The following HMG20A variants were observed in gnomAD, a reference collection of about 807,000 sequenced individuals.
The protein encoded by HMG20A is high mobility group protein 20A.
HMG20A carries 17 observed loss-of-function variants against 43.9 expected under a neutral mutation model. The ratio of observed to expected loss-of-function variants is 0.39; its 90% CI spans 0.27 to 0.58. The LOEUF (loss-of-function observed/expected upper bound fraction) is 0.58. Ranked by LOEUF, HMG20A falls within the 20% of genes least tolerant of loss-of-function variation. The pLI, the probability that HMG20A is intolerant of heterozygous loss-of-function variation, is 0.59. For synonymous variants in HMG20A, 132 were observed against 147.5 expected (o/e 0.89, Z 0.76); for missense variants, 341 against 438.2 (o/e 0.78, Z 1.98).
chr15:77,431,053 G>C (rs1445785345), intron 1 of HMG20A, among the ~76,000 whole-genome samples: 1 of 152,220 alleles, frequency 6.6e-6, no homozygotes, highest in East Asian at 1.9e-4. Flanking sequence ...AAATAAAACT[G>C]TTGAAAGTAA....
chr15:77,449,325 A>G (rs961893358), intron 1 of HMG20A, among the ~76,000 whole-genome samples: 16 of 152,246 alleles, frequency 1.1e-4, no homozygotes, highest in African/African-American at 3.9e-4. Context: ...CTCACATATA[A>G]AAACCTATGG....
At chr15:77,475,532 T>G (rs2072847152) in intron 6 of HMG20A, among the ~76,000 whole-genome samples, 1 of 152,228 alleles carries the variant, frequency 6.6e-6, no homozygotes, top group East Asian at 1.9e-4. Context: ...GCGTCTCCAC[T>G]TTACCCATCT....
chr15:77,489,771 G>A (rs1325768722), downstream of HMG20A, among the ~76,000 whole-genome samples: 1 of 152,218 alleles, frequency 6.6e-6, no homozygotes, highest in Non-Finnish European at 1.5e-5. Context: ...TCCTGAGGCA[G>A]GAATGAACTC....
intron 1 of HMG20A, among the ~76,000 whole-genome samples, chr15:77,449,469 G>A (rs990555754): frequency 6.6e-6 from 1 of 152,060 alleles, no homozygotes; most frequent in Non-Finnish European, 1.5e-5. Flanking sequence ...TTAGCTAAAC[G>A]TTCACAGCTG....
intron 4 of HMG20A, among the ~76,000 whole-genome samples, chr15:77,469,906 G>C (rs1242652824): frequency 2.6e-5 from 4 of 152,144 alleles, no homozygotes; most frequent in African/African-American, 9.7e-5. Context: ...GACCTCAAGT[G>C]ATCCACCCAC....
At chr15:77,454,250 A>G (rs1326800529) in intron 1 of HMG20A, among the ~76,000 whole-genome samples, 4 of 152,032 alleles carry the variant, frequency 2.6e-5, no homozygotes, top group Non-Finnish European at 4.4e-5. Flanking sequence ...TGTTTGCTAA[A>G]GGATATTGTG....
the HMG20A span, among the ~76,000 whole-genome samples, chr15:77,516,961 G>C: frequency 2.6e-4 from 40 of 152,246 alleles, no homozygotes; most frequent in African/African-American, 8.9e-4. Flanking sequence ...TGTCCCCATC[G>C]CCTCCCCGCA....
chr15:77,431,545 T>C (rs2073484874), intron 1 of HMG20A, among the ~76,000 whole-genome samples: 1 of 152,158 alleles, frequency 6.6e-6, no homozygotes, highest in African/African-American at 2.4e-5. Context: ...ACAAAAATTA[T>C]ATGTATTTAT....
intron 9 of HMG20A, among the ~76,000 whole-genome samples, chr15:77,479,765 C>T (rs976245892): frequency 6.6e-6 from 1 of 152,098 alleles, no homozygotes; most frequent in African/African-American, 2.4e-5. Context: ...AAGAAATCAT[C>T]CCCAAAACAG....
In HMG20A at chr15:77,483,631, C is replaced by T. The variant is rs2072923193; in HGVS notation, c.*668C>T. ...CCACACGGTGCTCAGTGGGTGCCAG[C>T]CCTCAGTGTGGCTTTGTGATTGCTG... On this transcript the variant is annotated 3_prime_UTR_variant, in exon 10 of 10. Coordinates refer to ENST00000336216, the MANE Select transcript of HMG20A (RefSeq NM_001304504.2). The T allele has an allele frequency of 6.5e-6, 1 of 152,706 alleles. No individual in the cohort carries two copies. The highest frequency in any genetic ancestry group is 1.5e-5 in the Non-Finnish European group (1 of 68,130). 9.5% of individuals were successfully genotyped at this position (152,706 alleles called of 1,614,324 possible).
At chr15:77,480,301 AT>A (rs2072894497) in intron 9 of HMG20A, among the ~76,000 whole-genome samples, 1 of 151,466 alleles carries the variant, frequency 6.6e-6, no homozygotes, top group Non-Finnish European at 1.5e-5. Flanking sequence ...TGTCTCAAAA[AT>A]TTTTTTAAAT....
At chr15:77,496,877 G>A in the HMG20A span, among the ~76,000 whole-genome samples, 2 of 152,238 alleles carry the variant, frequency 1.3e-5, no homozygotes, top group African/African-American at 4.8e-5. Context: ...GCTCACTCGG[G>A]TGCCAATTCA....
At chr15:77,519,397 G>C in the HMG20A span, among the ~76,000 whole-genome samples, 1 of 152,196 alleles carries the variant, frequency 6.6e-6, no homozygotes, top group African/African-American at 2.4e-5. Context: ...AGAAAACTTA[G>C]ATAGATCATG....
chr15:77,454,275 G>A (rs2072634573), intron 1 of HMG20A, among the ~76,000 whole-genome samples: 1 of 151,986 alleles, frequency 6.6e-6, no homozygotes, highest in Admixed American at 6.6e-5. Context: ...TTTTTGGGGT[G>A]ATGAAAATGT....
the HMG20A span, among the ~76,000 whole-genome samples, chr15:77,512,431 T>C: frequency 6.8e-6 from 1 of 146,698 alleles, no homozygotes; most frequent in South Asian, 2.2e-4. Flanking sequence ...ATTTAAAAAA[T>C]AAAAATGTAA....
At chr15:77,471,405 T>C (rs946089421) in intron 5 of HMG20A, among the ~76,000 whole-genome samples, 1 of 152,226 alleles carries the variant, frequency 6.6e-6, no homozygotes, top group Non-Finnish European at 1.5e-5. Context: ...TGTGTCATTT[T>C]TGAAGCACCA....
the HMG20A span, among the ~76,000 whole-genome samples, chr15:77,501,485 C>G: frequency 6.6e-6 from 1 of 152,226 alleles, no homozygotes; most frequent in African/African-American, 2.4e-5. Context: ...CTCTCAGGCT[C>G]TCTTGGGACT....
chr15:77,464,362 G>T lies in HMG20A; in HGVS notation c.212G>T (p.Gly71Val). 6.2e-7 allele frequency: 1 copy of T among 1,613,746 alleles called. No individual in the cohort carries two copies. The highest frequency in any genetic ancestry group is 1.3e-5 in the African/African-American group (1 of 74,996). Residue 71 changes from glycine (G) to valine (V), a missense_variant, in exon 3 of 10, where the codon GGC becomes GTC. This residue lies in a region of HMG20A where 220 missense variants were observed against 263.6 expected (regional missense o/e 0.83). Coordinates refer to ENST00000336216, the MANE Select transcript of HMG20A (RefSeq NM_001304504.2). ...LQSESSNAAE[G>V]NEQRHEDEQR... ...AGTGAGTCTTCAAATGCAGCAGAAG[G>T]CAATGAACAGAGGCATGAAGATGAG... is the stretch of plus-strand genomic sequence containing the variant.
chr15:77,470,785 A>G (rs1444335501), intron 4 of HMG20A, 125 bp from the exon 5 acceptor site: 1 of 740,750 alleles, frequency 1.3e-6, no homozygotes, highest in Non-Finnish European at 2.0e-6. Context: ...ATTCTTTTTT[A>G]AGGCATATTC....
Sources: allele counts gnomAD v4.1 joint callset (sites outside exome capture counted in the v4.1 genomes callset), GRCh38; gene constraint gnomAD v4.1.1; regional missense constraint gnomAD v4.1.1; transcripts MANE v1.5; gene names NCBI Gene and HGNC (gene_info 2026-07-23, HGNC 2026-07-21).